The following HHAT variants were observed in gnomAD, a reference collection of about 807,000 sequenced individuals.
HHAT encodes the protein protein-cysteine N-palmitoyltransferase HHAT.
In HHAT, 47 loss-of-function variants were observed where a neutral mutation model predicts 70.8. The observed-to-expected ratio is 0.66, with a 90% CI of 0.53 to 0.85. The LOEUF (loss-of-function observed/expected upper bound fraction) is 0.85, where lower values mean the gene tolerates loss of function less well. Among genes scored for constraint, HHAT ranks in the 40% least tolerant of loss-of-function variants. HHAT has a pLI of 0.00. For missense variants in HHAT, 609 were observed against 604.8 expected (o/e 1.01, Z -0.07); for synonymous variants, 228 against 247.6 (o/e 0.92, Z 0.74).
intron 4 of HHAT, among the ~76,000 whole-genome samples, chr1:210,392,110 C>T (rs1195465850): frequency 6.6e-6 from 1 of 152,162 alleles, no homozygotes; most frequent in Non-Finnish European, 1.5e-5. Flanking sequence ...CTCAAGTGAT[C>T]CTCCCATTTC....
chr1:210,585,316 G>T (rs900377193), intron 9 of HHAT, among the ~76,000 whole-genome samples: 4 of 152,090 alleles, frequency 2.6e-5, no homozygotes, highest in Non-Finnish European at 4.4e-5. Context: ...GAGAGTGGAG[G>T]ATGTTAAAGA....
chr1:210,626,932 G>A (rs1275355214), intron 11 of HHAT, among the ~76,000 whole-genome samples: 2 of 152,146 alleles, frequency 1.3e-5, no homozygotes, highest in South Asian at 2.1e-4. Context: ...TGTAGTCTTG[G>A]CATCTTCCCT....
chr1:210,450,310 C>T (rs2093726185), intron 7 of HHAT, among the ~76,000 whole-genome samples: 1 of 149,766 alleles, frequency 6.7e-6, no homozygotes, highest in Non-Finnish European at 1.5e-5. Flanking sequence ...GGGTGGGAAA[C>T]AGTGAGGATA....
At chr1:210,405,195 G>A (rs1342960320) in intron 6 of HHAT, among the ~76,000 whole-genome samples, 1 of 152,136 alleles carries the variant, frequency 6.6e-6, no homozygotes, top group Non-Finnish European at 1.5e-5. Context: ...CGAAGGCAGT[G>A]GTGTGTGTTC....
chr1:210,660,809 T>G (rs752068450), intron 11 of HHAT, among the ~76,000 whole-genome samples: 5 of 152,172 alleles, frequency 3.3e-5, no homozygotes, highest in African/African-American at 1.2e-4. Context: ...AAACAAGATA[T>G]AGGGAAAGGA....
chr1:210,600,559 G>C (rs1664034304), intron 10 of HHAT, among the ~76,000 whole-genome samples: 1 of 152,106 alleles, frequency 6.6e-6, no homozygotes. Flanking sequence ...TTTATGAGAG[G>C]AGGGATTGTT....
At chr1:210,360,095 GT>G (rs1160706171) in intron 2 of HHAT, among the ~76,000 whole-genome samples, 5 of 152,298 alleles carry the variant, frequency 3.3e-5, no homozygotes, top group African/African-American at 1.2e-4. Flanking sequence ...GTGGAAAGAT[GT>G]CCTGCCACAG....
chr1:210,409,646 C>T (rs2092458512), intron 6 of HHAT, among the ~76,000 whole-genome samples: 1 of 152,140 alleles, frequency 6.6e-6, no homozygotes, highest in Non-Finnish European at 1.5e-5. Flanking sequence ...ATATCTGCCT[C>T]TGGGGAGGGC....
chr1:210,455,473 CT>C (rs1417891871), intron 7 of HHAT, among the ~76,000 whole-genome samples: 3 of 152,158 alleles, frequency 2.0e-5, no homozygotes, highest in Non-Finnish European at 4.4e-5. Context: ...GAAATAACCT[CT>C]GTCAGCTCCC....
At chr1:210,588,322 AT>A in intron 10 of HHAT, 1 of 454,192 alleles carries the variant, frequency 2.2e-6, no homozygotes. Context: ...ACTATAAAAA[AT>A]GTATTATGTA....
chr1:210,554,310 C>T (rs1008701560), intron 9 of HHAT, among the ~76,000 whole-genome samples: 10 of 152,206 alleles, frequency 6.6e-5, no homozygotes, highest in Non-Finnish European at 1.0e-4. Flanking sequence ...CTCTGACCCT[C>T]TCCTAATTCA....
chr1:210,621,243 C>T (rs150440364), intron 10 of HHAT, among the ~76,000 whole-genome samples: 5 of 152,174 alleles, frequency 3.3e-5, no homozygotes, highest in Admixed American at 6.5e-5. Context: ...TGTGCACTCT[C>T]GGTAGTTGAC....
At chr1:210,429,135 T>C (rs2093167448) in intron 7 of HHAT, among the ~76,000 whole-genome samples, 1 of 151,910 alleles carries the variant, frequency 6.6e-6, no homozygotes, top group Admixed American at 6.5e-5. Flanking sequence ...ATTTTAAATA[T>C]CTAGAATGTT....
At chr1:210,445,111 T>G (rs1418279821) in intron 7 of HHAT, among the ~76,000 whole-genome samples, 1 of 152,210 alleles carries the variant, frequency 6.6e-6, no homozygotes, top group Non-Finnish European at 1.5e-5. Flanking sequence ...GTGCTGGGAT[T>G]ACAGGCATGA....
At chr1:210,440,763 C>T (rs1004860352) in intron 7 of HHAT, among the ~76,000 whole-genome samples, 2 of 149,516 alleles carry the variant, frequency 1.3e-5, no homozygotes, top group Non-Finnish European at 2.9e-5. Context: ...TGATTAGTAG[C>T]TGGATTTTCA....
At chr1:210,621,522 G>A (rs12133319) in intron 10 of HHAT, among the ~76,000 whole-genome samples, 42,274 of 152,134 alleles carry the variant, frequency 0.28, 6,947 homozygotes, top group South Asian at 0.41. Context: ...GTTACTGCTA[G>A]TTGAGTCAGT....
At chr1:210,541,719 TC>T (rs1461973068) in intron 9 of HHAT, among the ~76,000 whole-genome samples, 1 of 152,032 alleles carries the variant, frequency 6.6e-6, no homozygotes, top group Non-Finnish European at 1.5e-5. Flanking sequence ...AGAGTGAGAC[TC>T]CATCTCAAAA....
chr1:210,520,343 T>G (rs966561816), intron 9 of HHAT, among the ~76,000 whole-genome samples: 8 of 152,332 alleles, frequency 5.3e-5, no homozygotes, highest in African/African-American at 1.9e-4. Flanking sequence ...GGGAATTTAA[T>G]CCATTTACAT....
intron 7 of HHAT, among the ~76,000 whole-genome samples, chr1:210,457,704 A>G (rs752495495): frequency 6.6e-6 from 1 of 152,218 alleles, no homozygotes; most frequent in Non-Finnish European, 1.5e-5. Context: ...TCTGTTGCTC[A>G]TGAATTTTCA....
Sources: gnomAD v4.1 joint callset for allele counts (sites outside exome capture counted in the v4.1 genomes callset) on GRCh38, gnomAD v4.1.1 for gene constraint, MANE v1.5 for transcripts, NCBI Gene and HGNC (gene_info 2026-07-23, HGNC 2026-07-21) for gene names.